The following MCTP2 variants were observed in gnomAD, a reference collection of about 807,000 sequenced individuals.
MCTP2 encodes multiple C2 and transmembrane domain containing 2, also known as multiple C2 and transmembrane domain-containing protein 2.
A neutral mutation model predicts 111.6 loss-of-function variants in MCTP2; 132 were observed. That is an observed-to-expected ratio of 1.18 (90% CI 1.03 to 1.37). The LOEUF is 1.37. MCTP2 is among the 40% of genes most tolerant of loss of function. MCTP2 has a pLI of 0.00. For synonymous variants in MCTP2, 395 were observed against 387.7 expected (o/e 1.02, Z -0.22); for missense variants, 1,183 against 1,067.9 (o/e 1.11, Z -1.50).
Position 94,358,559 on chromosome 15 carries a change from G to C in MCTP2, c.1248G>C (p.Leu416Phe). 1.2e-6 allele frequency: 2 copies of C among 1,613,842 alleles called. No individual in the cohort carries two copies. Among genetic ancestry groups the C allele is most frequent in the Non-Finnish European group, 8.5e-7 (1 of 1,179,808 alleles). The change falls in exon 10 of 23, where the codon TTG (leucine) becomes TTC (phenylalanine). Residue 416 changes from leucine to phenylalanine, a missense_variant. Physicochemically the swap from Leu to Phe is conservative, Grantham distance 22. Transcript: ENST00000357742. ...ACTTCTCTGACAGGATGGGCATTTT[G>C]GACATTGAAGTGTGGGGAAAGGACA... is the stretch of plus-strand genomic sequence containing the variant. Reference protein sequence around the residue: ...FHYFSDRMGILDIEVWGKDNK... With the variant: ...FHYFSDRMGIFDIEVWGKDNK...
chr15:94,426,892 C>T (rs1317857425), intron 17 of MCTP2, among the ~76,000 whole-genome samples: 1 of 151,924 alleles, frequency 6.6e-6, no homozygotes, highest in African/African-American at 2.4e-5. Flanking sequence ...CTAGTTTTAC[C>T]CCATGCCTAG....
chr15:94,339,320 T>C lies in MCTP2; in HGVS notation c.668T>C (p.Leu223Pro), dbSNP rs1266020883. 6.2e-7 allele frequency: 1 copy of C among 1,609,168 alleles called. No individual in the cohort carries two copies. The highest frequency in any genetic ancestry group is 1.1e-5 in the South Asian group (1 of 90,610). Reference protein sequence around the residue: ...GTSDPYVKFKLNGKTLYKSKV... With the variant: ...GTSDPYVKFKPNGKTLYKSKV... Reference sequence around the variant, plus strand: ...AGTGATCCTTATGTGAAATTTAAGCTGAATGGGAAGACGCTGTACAAAAGT... The same window carrying C: ...AGTGATCCTTATGTGAAATTTAAGCCGAATGGGAAGACGCTGTACAAAAGT... The change falls in exon 5 of 23, where the codon CTG (leucine) becomes CCG (proline). Residue 223 changes from leucine to proline, a missense_variant. Coordinates refer to ENST00000357742, the MANE Select transcript of MCTP2 (RefSeq NM_001385001.1).
chr15:94,406,923 C>A (rs1479504317), intron 17 of MCTP2, among the ~76,000 whole-genome samples: 1 of 146,924 alleles, frequency 6.8e-6, no homozygotes, highest in African/African-American at 2.5e-5. Context: ...AAGAGAATAA[C>A]CACCCCTTAT....
intron 1 of MCTP2, among the ~76,000 whole-genome samples, chr15:94,282,641 C>A (rs2074545706): frequency 1.3e-5 from 2 of 152,188 alleles, no homozygotes; most frequent in Admixed American, 6.5e-5. Context: ...AGAGATCTTG[C>A]ACTAGTTCTT....
chr15:94,392,338 C>T (rs1239392762), intron 14 of MCTP2, among the ~76,000 whole-genome samples: 3 of 151,230 alleles, frequency 2.0e-5, no homozygotes, highest in African/African-American at 7.3e-5. Context: ...TGCCACTGCA[C>T]TCCAGCCTGT....
At chr15:94,406,390 T>G (rs1442818483) in intron 17 of MCTP2, among the ~76,000 whole-genome samples, 2 of 152,224 alleles carry the variant, frequency 1.3e-5, no homozygotes. Context: ...TGCCTCTCAC[T>G]GATGCCCAGG....
At chr15:94,311,396 C>A (rs933275068) in intron 2 of MCTP2, among the ~76,000 whole-genome samples, 3 of 152,038 alleles carry the variant, frequency 2.0e-5, no homozygotes, top group Non-Finnish European at 2.9e-5. Flanking sequence ...AATATTAATT[C>A]TTCTCTTTTT....
At position 94,479,191 on chromosome 15, in the gene MCTP2, A is replaced by C; in HGVS notation, c.*157A>C. The C allele has an allele frequency of 1.5e-6, 1 of 682,194 alleles. No individual in the cohort carries two copies. The highest frequency in any genetic ancestry group is 2.6e-6 in the Non-Finnish European group (1 of 379,682). The allele number at this position is 682,194 out of a possible 1,614,324, so 42.3% of individuals were successfully genotyped here. On this transcript the variant is annotated 3_prime_UTR_variant, in exon 23 of 23. Transcript: ENST00000357742. ...TCCTCCTTCACGTGCACAGACATAC[A>C]CACATGTGCACACACCCTCATGCAT...
chr15:94,288,992 T>C (rs540759337), intron 1 of MCTP2, among the ~76,000 whole-genome samples: 37 of 152,238 alleles, frequency 2.4e-4, no homozygotes, highest in South Asian at 1.2e-3. Flanking sequence ...AAGAAGAAGA[T>C]TGAAAAATAA....
chr15:94,395,845 A>G (rs537559163), intron 14 of MCTP2, among the ~76,000 whole-genome samples: 8 of 152,302 alleles, frequency 5.3e-5, no homozygotes, highest in Admixed American at 2.6e-4. Context: ...ACTCAGAAAC[A>G]GACTTCTTGT....
In MCTP2 at chr15:94,367,674, T is replaced by C. The variant is rs755262986; in HGVS notation, c.1371T>C (p.Cys457=). ...GCCTGGAGCTGCCACTGGACAGCTG[T>C]CTGGGGGCTCTCCTTATGTTGGTCA... ...ANCLELPLDS[C]LGALLMLVTL... Residue 457 remains cysteine (C), a synonymous_variant, in exon 11 of 23, where the codon TGT becomes TGC. Transcript: ENST00000357742. 6.2e-7 allele frequency: 1 copy of C among 1,612,466 alleles called. No homozygotes were observed. The highest frequency in any genetic ancestry group is 1.1e-5 in the South Asian group (1 of 90,990).
chr15:94,372,210 G>A (rs11634205), intron 12 of MCTP2, among the ~76,000 whole-genome samples: 479 of 152,288 alleles, frequency 3.1e-3, no homozygotes, highest in Non-Finnish European at 5.2e-3. Context: ...ATGCCCTGGT[G>A]TTTCACTATT....
intron 20 of MCTP2, among the ~76,000 whole-genome samples, chr15:94,459,393 T>C (rs1245094227): frequency 6.6e-6 from 1 of 152,224 alleles, no homozygotes; most frequent in Non-Finnish European, 1.5e-5. Context: ...ATACTAATGT[T>C]TTCTCAGTTG....
chr15:94,453,003 A>G (rs1398609683), intron 19 of MCTP2, among the ~76,000 whole-genome samples: 1 of 152,198 alleles, frequency 6.6e-6, no homozygotes, highest in Admixed American at 6.5e-5. Context: ...CTCTGGAAAT[A>G]ACTGATTCTT....
chr15:94,409,157 C>T (rs2082035726), intron 17 of MCTP2, among the ~76,000 whole-genome samples: 1 of 152,144 alleles, frequency 6.6e-6, no homozygotes, highest in African/African-American at 2.4e-5. Flanking sequence ...TGGGCACCAT[C>T]TAATCAGCTG....
intron 1 of MCTP2, among the ~76,000 whole-genome samples, chr15:94,279,098 G>T (rs142482500): frequency 6.6e-6 from 1 of 152,004 alleles, no homozygotes; most frequent in Non-Finnish European, 1.5e-5. Flanking sequence ...TTGGTTATTT[G>T]GTCTCTTTTT....
chr15:94,336,908 G>A (rs2077391435), intron 4 of MCTP2, among the ~76,000 whole-genome samples: 1 of 151,988 alleles, frequency 6.6e-6, no homozygotes, highest in African/African-American at 2.4e-5. Context: ...CAGAATGGAG[G>A]CACCGTCTCT....
intron 8 of MCTP2, among the ~76,000 whole-genome samples, chr15:94,345,501 A>G (rs887639244): frequency 1.5e-4 from 23 of 152,172 alleles, no homozygotes; most frequent in African/African-American, 5.3e-4. Context: ...GGAAACTAGC[A>G]TTGGTGTTGT....
intron 19 of MCTP2, among the ~76,000 whole-genome samples, chr15:94,449,230 T>C (rs952244857): frequency 1.3e-5 from 2 of 152,196 alleles, no homozygotes; most frequent in Non-Finnish European, 2.9e-5. Flanking sequence ...TTTAAGCAAT[T>C]AGATTTATGA....
Sources: gnomAD v4.1 joint callset for allele counts (sites outside exome capture counted in the v4.1 genomes callset) on GRCh38, gnomAD v4.1.1 for gene constraint, MANE v1.5 for transcripts, NCBI Gene and HGNC (gene_info 2026-07-23, HGNC 2026-07-21) for gene names.